The following SLC25A6 variants were observed in gnomAD, a reference collection of about 807,000 sequenced individuals.
The protein encoded by SLC25A6 is ADP/ATP translocase 3.
Under a neutral mutation model 25.7 loss-of-function variants are expected in SLC25A6, and 9 were observed. That is an observed-to-expected ratio of 0.35 (90% CI 0.21 to 0.61). SLC25A6 has a LOEUF of 0.61. SLC25A6 is among the 20% of genes least tolerant of loss of function. The pLI, the probability that SLC25A6 is intolerant of heterozygous loss-of-function variation, is 0.76. For missense variants in SLC25A6, 404 were observed against 440.5 expected, an observed-to-expected ratio of 0.92 and a Z score of 0.74; for synonymous variants, 223 against 197.0, an observed-to-expected ratio of 1.13 and a Z score of -1.11.
rs189268235 is a variant in SLC25A6 at position 1,386,839 on chromosome X, T to C, written c.740-80A>G. Reference sequence around the variant, plus strand: ...ACGCCACCTGCACCCACAAAGACGTTTCACAGAAATAACACCCCAGACGCC... The same window carrying C: ...ACGCCACCTGCACCCACAAAGACGTCTCACAGAAATAACACCCCAGACGCC... On this transcript the variant is annotated intron_variant, in intron 3 of 3. Transcript: ENST00000381401. 2.9e-4 allele frequency: 431 copies of C among 1,490,772 alleles called. No homozygotes were observed. In the Middle Eastern group the frequency reaches 3.4e-3, roughly 12 times the overall value. The allele number at this position is 1,490,772 out of a possible 1,614,324, so 92.3% of individuals were successfully genotyped here. A position where few individuals can be genotyped will look rare whatever the true frequency, so the allele number is the denominator to read the frequency against.
chrX:1,389,459 G>C lies in SLC25A6; in HGVS notation c.380C>G (p.Ser127Cys), dbSNP rs2089373120. Reference protein sequence around the residue: ...LASGGAAGATSLCFVYPLDFA... With the variant: ...LASGGAAGATCLCFVYPLDFA... Reference sequence around the variant, plus strand: ...ATCCAGCGGGTACACGAAGCAGAGGGAGGTCGCGCCGGCCGCACCGCCGGA... The same window carrying C: ...ATCCAGCGGGTACACGAAGCAGAGGCAGGTCGCGCCGGCCGCACCGCCGGA... Residue 127 changes from serine to cysteine, a missense_variant, in exon 2 of 4, where the codon TCC (serine) becomes TGC (cysteine). By Grantham distance (112) the Ser-to-Cys change is moderately radical. Transcript: ENST00000381401. The C allele has an allele frequency of 6.2e-7, 1 of 1,613,976 alleles. No homozygotes were observed. The highest frequency in any genetic ancestry group is 8.5e-7 in the Non-Finnish European group (1 of 1,179,942).
chrX:1,388,514 G>C (rs1380380325), intron 2 of SLC25A6, among the ~76,000 whole-genome samples: 1 of 151,460 alleles, frequency 6.6e-6, no homozygotes, highest in African/African-American at 2.4e-5. Context: ...AATGTCTGTT[G>C]TTTCTAAGTC....
rs757425599 is a variant in SLC25A6, at chrX:1,391,984, G to C, written c.26C>G (p.Ala9Gly). 4 of 1,609,104 alleles carry C rather than the reference G, an allele frequency of 2.5e-6. No homozygotes were observed. Among genetic ancestry groups the C allele is most frequent in the Non-Finnish European group, 3.4e-6 (4 of 1,178,812 alleles). The change falls in exon 1 of 4, where the codon GCC becomes GGC. Residue 9 changes from alanine to glycine, a missense_variant. Coordinates refer to ENST00000381401, the MANE Select transcript of SLC25A6 (RefSeq NM_001636.4). Reference protein sequence around the residue: MTEQAISFAKDFLAGGIAA... With the variant: MTEQAISFGKDFLAGGIAA... ...GATGCCTCCGGCCAAGAAGTCTTTG[G>C]CGAAGGAGATGGCCTGTTCCGTCAT...
intron 2 of SLC25A6, among the ~76,000 whole-genome samples, chrX:1,389,027 C>G (rs1603449673): frequency 6.6e-6 from 1 of 151,586 alleles, no homozygotes; most frequent in East Asian, 1.9e-4. Context: ...ATTAAGACAT[C>G]CCATAAGAAG....
At chrX:1,391,478 G>C (rs1251858445) in intron 1 of SLC25A6, among the ~76,000 whole-genome samples, 1 of 152,234 alleles carries the variant, frequency 6.6e-6, no homozygotes, top group Admixed American at 6.5e-5. Context: ...CCTGCGGGCA[G>C]GCTCGTTGCC....
chrX:1,388,333 T>G (rs1332206190), intron 2 of SLC25A6, among the ~76,000 whole-genome samples: 1 of 149,306 alleles, frequency 6.7e-6, no homozygotes, highest in Non-Finnish European at 1.5e-5. Context: ...TCAAATGGAC[T>G]AAGACATCTC....
chrX:1,391,835 C>T (rs2089417695), intron 1 of SLC25A6, 64 bp downstream of exon 1: 4 of 1,334,340 alleles, frequency 3.0e-6, no homozygotes, highest in African/African-American at 1.5e-5. Context: ...CCCACGTCCC[C>T]GCCCGACCCG....
In SLC25A6 at chrX:1,389,498, G is replaced by T; in HGVS notation, c.341C>A (p.Ala114Glu). Residue 114 changes from alanine (A) to glutamate (E), a missense_variant, in exon 2 of 4, where the codon GCG becomes GAG. Transcript: ENST00000381401. The stretch of plus-strand genomic sequence containing the variant: ...CGCACCGCCGGAGGCCAGGTTGCCC[G>T]CAAAGTACCTCCAGAACTGCGTGTG... ...DKHTQFWRYF[A>E]GNLASGGAAG... The T allele has an allele frequency of 1.2e-6, 2 of 1,614,172 alleles. No homozygotes were observed. Among genetic ancestry groups the T allele is most frequent in the Non-Finnish European group, 1.7e-6 (2 of 1,180,018 alleles).
chrX:1,391,732 G>C (rs1186498206), intron 1 of SLC25A6, among the ~76,000 whole-genome samples, 167 bp downstream of exon 1: 1 of 152,232 alleles, frequency 6.6e-6, no homozygotes, highest in Non-Finnish European at 1.5e-5. Flanking sequence ...CCCTGCAGCA[G>C]CGGTCACGTG....
At chrX:1,390,804 T>G (rs1372516978) in intron 1 of SLC25A6, among the ~76,000 whole-genome samples, 1 of 149,272 alleles carries the variant, frequency 6.7e-6, no homozygotes, top group Non-Finnish European at 1.5e-5. Context: ...CACCCCGCCC[T>G]GCTAAGTTTA....
rs2089423195 is a variant in SLC25A6, at chrX:1,392,101, C to T, written c.-92G>A. The T allele has an allele frequency of 1.0e-6, 1 of 954,814 alleles. No individual in the cohort carries two copies. The highest frequency in any genetic ancestry group is 1.4e-5 in the South Asian group (1 of 70,082). The allele number at this position is 954,814 out of a possible 1,614,324, so 59.1% of individuals were successfully genotyped here. On this transcript the variant is annotated 5_prime_UTR_variant, in exon 1 of 4. Coordinates refer to ENST00000381401, the MANE Select transcript of SLC25A6 (RefSeq NM_001636.4). ...GTCGCTGGCTCAGCCCTGCCGCCGC[C>T]TGGACCGAAAGGACGGAGCAGCCAC...
chrX:1,387,447 C>T (rs1271944038), intron 2 of SLC25A6, 28 bp from the exon 3 acceptor site: 1 of 1,608,866 alleles, frequency 6.2e-7, no homozygotes, highest in South Asian at 1.1e-5. Flanking sequence ...GTCACCGTCT[C>T]CAGCGCCTGC....
chrX:1,391,676 TC>T (rs1198002630), intron 1 of SLC25A6, among the ~76,000 whole-genome samples: 3 of 151,980 alleles, frequency 2.0e-5, no homozygotes, highest in African/African-American at 7.3e-5. Context: ...GTGCCGCATT[TC>T]CCCCCGCCCG....
intron 1 of SLC25A6, among the ~76,000 whole-genome samples, chrX:1,390,618 CTA>C (rs1316855075): frequency 6.6e-6 from 1 of 151,598 alleles, no homozygotes; most frequent in Non-Finnish European, 1.5e-5. Context: ...TGGGGTCTTG[CTA>C]TGTTACTCTG....
At chrX:1,387,176 C>T in intron 3 of SLC25A6, 103 bp downstream of exon 3, 4 of 1,426,578 alleles carry the variant, frequency 2.8e-6, no homozygotes, top group Non-Finnish European at 3.9e-6. Flanking sequence ...GTCTCACACG[C>T]CCTGGAAGTG....
rs760454375 is a variant in SLC25A6, at chrX:1,386,637, G to A, written c.862C>T (p.Leu288=). Residue 288 remains leucine (L), a synonymous_variant, in exon 4 of 4, where the codon CTG becomes TTG. Coordinates refer to ENST00000381401, the MANE Select transcript of SLC25A6 (RefSeq NM_001636.4). ...VLRGMGGAFV[L]VLYDELKKVI ...TTCTTGAGCTCGTCGTACAGGACCAGCACGAAGGCGCCCCCCATGCCCCGC... is the reference window on the plus strand; with the variant it reads ...TTCTTGAGCTCGTCGTACAGGACCAACACGAAGGCGCCCCCCATGCCCCGC... 2 of 1,598,042 alleles carry A rather than the reference G, an allele frequency of 1.3e-6. No individual in the cohort carries two copies. Among genetic ancestry groups the A allele is most frequent in the Admixed American group, 1.7e-5 (1 of 58,116 alleles).
rs778968558 is a variant in SLC25A6, at chrX:1,386,503, T to C, written c.*99A>G. 6 of 1,334,936 alleles carry C rather than the reference T, an allele frequency of 4.5e-6. No homozygotes were observed. The East Asian group carries it at 1.7e-4, about 37-fold the overall frequency. 82.7% of individuals were successfully genotyped at this position (1,334,936 alleles called of 1,614,324 possible). A position where few individuals can be genotyped will look rare whatever the true frequency, so the allele number is the denominator to read the frequency against. On this transcript the variant is annotated 3_prime_UTR_variant, in exon 4 of 4. Transcript: ENST00000381401. Reference sequence around the variant, plus strand: ...AGGATGCGGCTGGGAAAAAGACAACTGGAATTTCTCGAAGGTTGATGGTCC... The same window carrying C: ...AGGATGCGGCTGGGAAAAAGACAACCGGAATTTCTCGAAGGTTGATGGTCC...
chrX:1,389,192 CTG>C, intron 2 of SLC25A6, 47 bp downstream of exon 2: 2 of 1,585,010 alleles, frequency 1.3e-6, no homozygotes, highest in Middle Eastern at 1.9e-4. Context: ...GGGGGAACGT[CTG>C]TGTGTTGAGC....
At chrX:1,391,613 A>T (rs2089412969) in intron 1 of SLC25A6, among the ~76,000 whole-genome samples, 1 of 152,200 alleles carries the variant, frequency 6.6e-6, no homozygotes, top group South Asian at 2.1e-4. Context: ...AAGGCCCGCC[A>T]GCCGCAGGGT....
Sources: allele counts gnomAD v4.1 joint callset (sites outside exome capture counted in the v4.1 genomes callset), GRCh38; gene constraint gnomAD v4.1.1; transcripts MANE v1.5; gene names NCBI Gene and HGNC (gene_info 2026-07-23, HGNC 2026-07-21).